FRMD4A: variants seen among roughly 807,000 people sequenced by gnomAD.
FRMD4A encodes the protein FERM domain-containing protein 4A.
In FRMD4A, 29 loss-of-function variants were observed where a neutral mutation model predicts 129.1. The observed-to-expected ratio is 0.22, with a 90% CI of 0.17 to 0.31. FRMD4A has a LOEUF of 0.31. Ranked by LOEUF, FRMD4A falls within the 10% of genes least tolerant of loss-of-function variation. The pLI is 1.00. For missense variants in FRMD4A, 1,272 were observed against 1,375.8 expected (o/e 0.92, Z 1.19); for synonymous variants, 634 against 571.6 (o/e 1.11, Z -1.56).
chr10:14,039,724 C>T (rs953363888), intron 2 of FRMD4A, among the ~76,000 whole-genome samples: 1 of 152,066 alleles, frequency 6.6e-6, no homozygotes, highest in Non-Finnish European at 1.5e-5. Context: ...ACCTGTGAAC[C>T]CTCTTCCTCA....
intron 2 of FRMD4A, among the ~76,000 whole-genome samples, chr10:14,261,244 T>A (rs1194787080): frequency 6.6e-6 from 1 of 152,236 alleles, no homozygotes; most frequent in Non-Finnish European, 1.5e-5. Flanking sequence ...ATTAAACATT[T>A]GCAAATATGA....
chr10:14,004,778 A>G lies in FRMD4A; in HGVS notation c.46-145866T>C, dbSNP rs186658050. ...TGAGTCACTCTATCAAGGCCATATG[A>G]CTCGTAAATATTCAATAGTTAAAGA... On this transcript the variant is annotated intron_variant, in intron 2 of 24. Transcript: ENST00000357447. Among the ~76,000 whole-genome samples, 52 of 152,188 alleles carry G rather than the reference A, an allele frequency of 3.4e-4. No individual in the cohort carries two copies. The East Asian group carries it at 9.7e-3, about 28-fold the overall frequency.
chr10:14,038,758 C>T (rs1365250908), intron 2 of FRMD4A, among the ~76,000 whole-genome samples: 1 of 152,160 alleles, frequency 6.6e-6, no homozygotes, highest in African/African-American at 2.4e-5. Flanking sequence ...CTGAAGGTTC[C>T]CCGGTGACTT....
intron 2 of FRMD4A, chr10:13,971,541 T>A (rs890265548): frequency 1.5e-5 from 8 of 534,426 alleles, no homozygotes; most frequent in Non-Finnish European, 2.6e-5. Flanking sequence ...CCCTGTTAAA[T>A]GTAACATGCT....
At position 14,260,697 on chromosome 10, in the gene FRMD4A, C is replaced by T. The variant is rs568939416; in HGVS notation, c.45+69361G>A. Among the ~76,000 whole-genome samples the T allele has an allele frequency of 4.1e-4, 63 of 152,336 alleles. 1 individual carries two copies. Among genetic ancestry groups the T allele is most frequent in the African/African-American group, 1.4e-3 (59 of 41,566 alleles). The stretch of plus-strand genomic sequence containing the variant: ...CAGTAGACGAAAATATTCACAACCA[C>T]ACAGCCAGAACCTTTGCCTTTGTTC... On this transcript the variant is annotated intron_variant, in intron 2 of 24. Transcript: ENST00000357447.
chr10:13,895,138 G>A (rs2131175480), intron 2 of FRMD4A, among the ~76,000 whole-genome samples: 1 of 152,314 alleles, frequency 6.6e-6, no homozygotes. Context: ...TGTTGCATAG[G>A]TAAACTAGCG....
At chr10:13,929,682 C>T (rs947732352) in intron 2 of FRMD4A, among the ~76,000 whole-genome samples, 3 of 152,118 alleles carry the variant, frequency 2.0e-5, no homozygotes, top group African/African-American at 4.8e-5. Context: ...AAGTCATTCC[C>T]GAATATTAAC....
At chr10:13,724,280 C>T (rs532079621) in intron 12 of FRMD4A, among the ~76,000 whole-genome samples, 17 of 152,058 alleles carry the variant, frequency 1.1e-4, no homozygotes, top group African/African-American at 3.1e-4. Context: ...CCCAGCTACT[C>T]GGGAGTCTGA....
At chr10:14,027,890 C>T (rs1050074324) in intron 2 of FRMD4A, among the ~76,000 whole-genome samples, 1 of 152,158 alleles carries the variant, frequency 6.6e-6, no homozygotes, top group African/African-American at 2.4e-5. Context: ...CGGATGTCAC[C>T]CCGAAGAGAC....
intron 2 of FRMD4A, among the ~76,000 whole-genome samples, chr10:14,145,664 C>T (rs1421249132): frequency 6.6e-6 from 1 of 152,082 alleles, no homozygotes; most frequent in Non-Finnish European, 1.5e-5. Flanking sequence ...ATATAGAAAC[C>T]GAGGCACAGA....
rs72412046 is a variant in FRMD4A, at chr10:14,089,644, C to CAA, written c.46-230734_46-230733dup. 2.5e-3 allele frequency among the ~76,000 whole-genome samples: 333 copies of CAA among 131,894 alleles called. 3 individuals carry two copies. The highest frequency in any genetic ancestry group is 6.8e-3 in the African/African-American group (238 of 34,828). The allele number at this position is 131,894 out of a possible 152,430, so 86.5% of individuals were successfully genotyped here. A position where few individuals can be genotyped will look rare whatever the true frequency, so the allele number is the denominator to read the frequency against. On this transcript the variant is annotated intron_variant, in intron 2 of 24. Coordinates refer to ENST00000357447, the MANE Select transcript of FRMD4A (RefSeq NM_018027.5). ...AAAAAAAAAAACAAAAAAAAACAAACAAAAAAAAAACAGAAGAAAGAAATA... is the reference window on the plus strand; with the variant it reads ...AAAAAAAAAAACAAAAAAAAACAAACAAAAAAAAAAAACAGAAGAAAGAAATA...
chr10:13,849,875 G>A (rs1003363827), intron 3 of FRMD4A, among the ~76,000 whole-genome samples: 1 of 151,772 alleles, frequency 6.6e-6, no homozygotes, highest in African/African-American at 2.4e-5. Context: ...TGTGCATAGA[G>A]AATCCAAGTT....
intron 2 of FRMD4A, among the ~76,000 whole-genome samples, chr10:13,909,570 T>C (rs2094919883): frequency 6.6e-6 from 1 of 152,230 alleles, no homozygotes; most frequent in Non-Finnish European, 1.5e-5. Flanking sequence ...AGGTGTCAGA[T>C]GTTCTTAGGT....
At chr10:13,951,779 A>G (rs1469416918) in intron 2 of FRMD4A, among the ~76,000 whole-genome samples, 1 of 151,828 alleles carries the variant, frequency 6.6e-6, no homozygotes, top group Non-Finnish European at 1.5e-5. Context: ...AATCCCAGCT[A>G]CTTGGGCGGC....
chr10:14,146,150 G>A (rs952672137), intron 2 of FRMD4A, among the ~76,000 whole-genome samples: 28 of 152,088 alleles, frequency 1.8e-4, no homozygotes, highest in African/African-American at 6.8e-4. Context: ...GTCATTGTAA[G>A]GATTAAGAAA....
intron 15 of FRMD4A, among the ~76,000 whole-genome samples, chr10:13,680,700 G>A (rs539940144): frequency 6.6e-5 from 10 of 151,954 alleles, no homozygotes; most frequent in South Asian, 2.1e-4. Context: ...CACTCCAGCC[G>A]GGGTGACAGA....
intron 15 of FRMD4A, among the ~76,000 whole-genome samples, chr10:13,689,198 CGGGGGGGGGGGGGG>C (rs61670615): frequency 5.9e-5 from 4 of 68,028 alleles, no homozygotes; most frequent in Admixed American, 2.0e-4. Flanking sequence ...AAACTCTTTG[CGGGGGGGGGGGGGG>C]GGGGGGGGAG....
At chr10:14,239,612 G>T (rs1013580232) in intron 2 of FRMD4A, among the ~76,000 whole-genome samples, 4 of 151,774 alleles carry the variant, frequency 2.6e-5, no homozygotes, top group African/African-American at 9.7e-5. Context: ...GGGCGACATA[G>T]CGAGACTCCG....
intron 2 of FRMD4A, among the ~76,000 whole-genome samples, chr10:14,123,974 T>G (rs1838683559): frequency 6.6e-6 from 1 of 152,146 alleles, no homozygotes; most frequent in African/African-American, 2.4e-5. Context: ...CTTATAAGGA[T>G]GCAGAGGATT....
Sources: allele counts gnomAD v4.1 joint callset (sites outside exome capture counted in the v4.1 genomes callset), GRCh38; gene constraint gnomAD v4.1.1; transcripts MANE v1.5; gene names NCBI Gene and HGNC (gene_info 2026-07-23, HGNC 2026-07-21).